Variants in NAV2 observed in about 807,000 individuals in gnomAD.
The protein encoded by NAV2 is neuron navigator 2.
A neutral mutation model predicts 223.2 loss-of-function variants in NAV2; 54 were observed. The observed-to-expected ratio is 0.24, with a 90% CI of 0.19 to 0.30. The LOEUF (loss-of-function observed/expected upper bound fraction) is 0.30, where lower values mean the gene tolerates loss of function less well. NAV2 is among the 10% of genes least tolerant of loss of function. The pLI is 1.00. For missense variants in NAV2, 2,806 were observed against 3,147.5 expected, an observed-to-expected ratio of 0.89 and a Z score of 2.60; for synonymous variants, 1,279 against 1,239.3, an observed-to-expected ratio of 1.03 and a Z score of -0.67.
intron 1 of NAV2, among the ~76,000 whole-genome samples, chr11:19,534,871 C>G (rs1379066044): frequency 6.6e-6 from 1 of 152,212 alleles, no homozygotes; most frequent in East Asian, 1.9e-4. Flanking sequence ...TGGTTCAAAT[C>G]TTCACTCTGC....
chr11:20,043,895 A>T, intron 12 of NAV2, 86 bp from the exon 13 acceptor site: 1 of 1,239,626 alleles, frequency 8.1e-7, no homozygotes, highest in Admixed American at 1.9e-5. Context: ...TAACTACTCC[A>T]GTGTTTTGGC....
rs926329412 is a variant in NAV2, at chr11:19,998,291, G to A, written c.2768+14044G>A. On this transcript the variant is annotated intron_variant, in intron 11 of 37. Transcript: ENST00000349880. The surrounding 1 kb of genome is among the most constrained non-coding windows in gnomAD (Gnocchi z 5.0). ...TCTGCTTCTCTCTCTCCCTCTCTCC[G>A]CCCACCTCCCTCTCCTTCTCTCTCA... 9.3e-5 allele frequency among the ~76,000 whole-genome samples: 14 copies of A among 150,090 alleles called. 1 individual carries two copies. The highest frequency in any genetic ancestry group is 6.0e-4 in the Admixed American group (9 of 15,024).
intron 1 of NAV2, among the ~76,000 whole-genome samples, chr11:19,610,589 A>G (rs2046610169): frequency 6.6e-6 from 1 of 152,218 alleles, no homozygotes; most frequent in Non-Finnish European, 1.5e-5. Flanking sequence ...GTTGATATCC[A>G]GTTCTCAAAT....
Position 20,097,649 on chromosome 11 carries a change from G to A in NAV2, c.6085G>A (p.Gly2029Arg). The part of the protein sequence containing the change: ...NSDSVLGYSI[G>R]EIKRSNTSET... ...AGACAGCGTTCTTGGCTACAGCATTGGAGAAATCAAGCGCAGCAACACTTC... is the reference window on the plus strand; with the variant it reads ...AGACAGCGTTCTTGGCTACAGCATTAGAGAAATCAAGCGCAGCAACACTTC... Residue 2029 changes from glycine to arginine, a missense_variant, in exon 31 of 38, where the codon GGA becomes AGA. By Grantham distance (125) the Gly-to-Arg change is moderately radical. Coordinates refer to ENST00000349880, the MANE Select transcript of NAV2 (RefSeq NM_145117.5). 6.2e-7 allele frequency: 1 copy of A among 1,613,732 alleles called. No individual in the cohort carries two copies. The highest frequency in any genetic ancestry group is 1.1e-5 in the South Asian group (1 of 91,000).
In NAV2 at chr11:19,948,742, T is replaced by C. The variant is rs2047143192; in HGVS notation, c.2307T>C (p.Arg769=). The change falls in exon 10 of 38, where the codon CGT becomes CGC. Residue 769 remains arginine, a synonymous_variant. Coordinates refer to ENST00000349880, the MANE Select transcript of NAV2 (RefSeq NM_145117.5). ...ATGTCACCACGGAGATGAGTGGCCG[T>C]AGCATACTCAGCTTGACAGGGAGGC... is the stretch of plus-strand genomic sequence containing the variant. ...DTNVTTEMSG[R]SILSLTGRPT... is the part of the protein sequence containing the mutation. 1 of 1,606,458 alleles carries C rather than the reference T, an allele frequency of 6.2e-7. No homozygotes were observed. The highest frequency in any genetic ancestry group is 8.5e-7 in the Non-Finnish European group (1 of 1,174,194).
At chr11:19,584,265 C>T (rs186070388) in intron 1 of NAV2, among the ~76,000 whole-genome samples, 84 of 152,192 alleles carry the variant, frequency 5.5e-4, no homozygotes, top group African/African-American at 2.0e-3. Flanking sequence ...CGATTCTTCT[C>T]TCTTTTCTTC....
chr11:19,777,484 G>A (rs1279248679), intron 1 of NAV2: 2 of 455,016 alleles, frequency 4.4e-6, no homozygotes, highest in Non-Finnish European at 8.8e-6. Flanking sequence ...TGATGCTGTG[G>A]CGCTGGGAAC....
At chr11:19,830,154 G>A (rs2059853209) in intron 1 of NAV2, among the ~76,000 whole-genome samples, 1 of 152,180 alleles carries the variant, frequency 6.6e-6, no homozygotes, top group African/African-American at 2.4e-5. Flanking sequence ...GAACCCGGGA[G>A]GCGGAGGTTG....
At chr11:19,602,778 T>C (rs2046381860) in intron 1 of NAV2, among the ~76,000 whole-genome samples, 1 of 152,194 alleles carries the variant, frequency 6.6e-6, no homozygotes, top group Non-Finnish European at 1.5e-5. Flanking sequence ...TTCTCTTCTC[T>C]TCTGAGGACA....
intron 3 of NAV2, among the ~76,000 whole-genome samples, chr11:19,863,560 C>T (rs2061916479): frequency 6.6e-6 from 1 of 152,150 alleles, no homozygotes; most frequent in Admixed American, 6.5e-5. Flanking sequence ...CTTGGGGCTA[C>T]ATCAGTGAGC....
intron 20 of NAV2, among the ~76,000 whole-genome samples, chr11:20,064,502 A>G (rs1312800051): frequency 6.6e-6 from 1 of 152,134 alleles, no homozygotes; most frequent in Non-Finnish European, 1.5e-5. Flanking sequence ...CCAGAAGAGT[A>G]AAAAAATGGG....
At chr11:19,884,914 T>A (rs987364149) in intron 5 of NAV2, among the ~76,000 whole-genome samples, 6 of 152,180 alleles carry the variant, frequency 3.9e-5, no homozygotes, top group Non-Finnish European at 7.3e-5. Flanking sequence ...TCGTCTTTGT[T>A]TCTGGATGCT....
At chr11:19,355,121 C>A (rs1404217189) in intron 1 of NAV2, among the ~76,000 whole-genome samples, 1 of 152,188 alleles carries the variant, frequency 6.6e-6, no homozygotes, top group African/African-American at 2.4e-5. Flanking sequence ...ATTTTCCTGA[C>A]AGACACCTAT....
intron 34 of NAV2, 33 bp downstream of exon 34, chr11:20,103,757 A>G: frequency 6.3e-7 from 1 of 1,595,146 alleles, no homozygotes; most frequent in South Asian, 1.1e-5. Context: ...CAGTTAAACA[A>G]TGGAATCACA....
chr11:20,083,504 A>T (rs2060221317), intron 26 of NAV2, among the ~76,000 whole-genome samples: 1 of 152,196 alleles, frequency 6.6e-6, no homozygotes, highest in Non-Finnish European at 1.5e-5. Flanking sequence ...TAAGAATTGG[A>T]CGAGATAAAT....
chr11:20,073,252 T>C (rs561080130), intron 22 of NAV2, among the ~76,000 whole-genome samples: 3 of 136,612 alleles, frequency 2.2e-5, no homozygotes, highest in Admixed American at 7.2e-5. Flanking sequence ...GATTTTCTTA[T>C]GTTGAACCAG....
chr11:19,546,748 G>A (rs1432309742), intron 1 of NAV2, among the ~76,000 whole-genome samples: 1 of 152,160 alleles, frequency 6.6e-6, no homozygotes, highest in Non-Finnish European at 1.5e-5. Context: ...CCGTTTTAGT[G>A]TTTTTACTTT....
At chr11:19,697,337 G>T (rs753909716) in intron 1 of NAV2, among the ~76,000 whole-genome samples, 5 of 152,024 alleles carry the variant, frequency 3.3e-5, no homozygotes, top group Non-Finnish European at 7.4e-5. Context: ...CTATGCTTTT[G>T]GCCTGGATGA....
intron 29 of NAV2, among the ~76,000 whole-genome samples, 179 bp from the exon 30 acceptor site, chr11:20,095,493 G>A (rs560775674): frequency 7.2e-4 from 110 of 152,306 alleles, no homozygotes; most frequent in African/African-American, 2.6e-3. Flanking sequence ...TAGCAGTAAA[G>A]CAGGGAAAGG....
Sources: allele counts gnomAD v4.1 joint callset (sites outside exome capture counted in the v4.1 genomes callset), GRCh38; gene constraint gnomAD v4.1.1; non-coding constraint Gnocchi (gnomAD v3.1); transcripts MANE v1.5; gene names NCBI Gene and HGNC (gene_info 2026-07-23, HGNC 2026-07-21).